NT5DC3: variants seen among roughly 807,000 people sequenced by gnomAD.
The protein encoded by NT5DC3 is 5'-nucleotidase domain containing 3, also known as 5'-nucleotidase domain-containing protein 3.
In NT5DC3, 42 loss-of-function variants were observed where a neutral mutation model predicts 67.8. The observed-to-expected ratio is 0.62, with a 90% CI of 0.48 to 0.80. The LOEUF is 0.80. Ranked by LOEUF, NT5DC3 falls within the 30% of genes least tolerant of loss-of-function variation. NT5DC3 has a pLI of 0.00. For missense variants in NT5DC3, 570 were observed against 696.4 expected (o/e 0.82, Z 2.04); for synonymous variants, 237 against 255.6 (o/e 0.93, Z 0.69).
chr12:103,792,616 C>T (rs1327411098), intron 9 of NT5DC3, among the ~76,000 whole-genome samples: 10 of 152,196 alleles, frequency 6.6e-5, no homozygotes, highest in African/African-American at 2.4e-4. Context: ...ACTAACAGCA[C>T]ACTCTGTCCC....
chr12:103,749,248 G>A, the NT5DC3 span: 1 of 1,330,646 alleles, frequency 7.5e-7, no homozygotes, highest in South Asian at 1.7e-5. Flanking sequence ...CTTATCTCCT[G>A]GACTCTTCCT....
intron 2 of NT5DC3, among the ~76,000 whole-genome samples, chr12:103,808,611 T>C (rs1886901105): frequency 6.6e-6 from 1 of 152,250 alleles, no homozygotes; most frequent in Non-Finnish European, 1.5e-5. Flanking sequence ...CTACCTGCCA[T>C]GTGTGCCAAG....
intron 5 of NT5DC3, among the ~76,000 whole-genome samples, chr12:103,797,823 T>C (rs1398501464): frequency 6.6e-6 from 1 of 152,224 alleles, no homozygotes; most frequent in Non-Finnish European, 1.5e-5. Flanking sequence ...TGGGGTTACA[T>C]TCTGATAAAC....
chr12:103,760,619 A>G, the NT5DC3 span, among the ~76,000 whole-genome samples: 2 of 152,114 alleles, frequency 1.3e-5, no homozygotes, highest in Admixed American at 6.5e-5. Flanking sequence ...GATGATGGTG[A>G]TGATACTGAT....
In NT5DC3 at chr12:103,777,346, T is replaced by C. The variant is rs1345930631; in HGVS notation, c.*483A>G. The C allele has an allele frequency of 1.3e-5, 2 of 159,322 alleles. No individual in the cohort carries two copies. The highest frequency in any genetic ancestry group is 3.7e-4 in the East Asian group (2 of 5,370). 9.9% of individuals were successfully genotyped at this position (159,322 alleles called of 1,614,324 possible). The stretch of plus-strand genomic sequence containing the variant: ...CTGGCCATCACCTGGGGAACCTCTC[T>C]GCCACTCACAGCAGCGTTTTACCAT... On this transcript the variant is annotated 3_prime_UTR_variant, in exon 14 of 14. Transcript: ENST00000392876.
At chr12:103,746,638 A>T in the NT5DC3 span, 1 of 1,614,068 alleles carries the variant, frequency 6.2e-7, no homozygotes, top group Non-Finnish European at 8.5e-7. Context: ...TGCTCATGCC[A>T]CCTGTAAGGA....
chr12:103,829,625 T>C (rs769938501), intron 1 of NT5DC3, among the ~76,000 whole-genome samples: 1 of 152,242 alleles, frequency 6.6e-6, no homozygotes, highest in Non-Finnish European at 1.5e-5. Context: ...TATTAATATA[T>C]TTGGAAATAT....
intron 2 of NT5DC3, among the ~76,000 whole-genome samples, chr12:103,808,048 CTA>C (rs1456095132): frequency 6.6e-6 from 1 of 152,220 alleles, no homozygotes; most frequent in Non-Finnish European, 1.5e-5. Flanking sequence ...ATTCCTCACA[CTA>C]TGCAAAATTG....
intron 2 of NT5DC3, among the ~76,000 whole-genome samples, chr12:103,808,194 G>A (rs1312886746): frequency 1.3e-5 from 2 of 152,110 alleles, no homozygotes; most frequent in Non-Finnish European, 2.9e-5. Context: ...TACACGGCAG[G>A]CCCTACCATC....
At chr12:103,746,810 C>G in the NT5DC3 span, 1 of 1,077,488 alleles carries the variant, frequency 9.3e-7, no homozygotes, top group Non-Finnish European at 1.4e-6. Flanking sequence ...CTGTCTGGGC[C>G]ACTTCAGCAG....
chr12:103,749,841 C>CCAAAAAAAAA, the NT5DC3 span, among the ~76,000 whole-genome samples: 1 of 51,152 alleles, frequency 2.0e-5, no homozygotes, highest in East Asian at 6.3e-4. Context: ...CTCTGTCTCA[C>CCAAAAAAAAA]AAAAAAAAAA....
intron 13 of NT5DC3, 134 bp downstream of exon 13, chr12:103,780,166 G>A: frequency 1.3e-6 from 1 of 756,780 alleles, no homozygotes; most frequent in Middle Eastern, 3.3e-4. Flanking sequence ...GATCCTGGGG[G>A]AGGCAGACAT....
At chr12:103,807,419 G>A (rs1399487769) in intron 2 of NT5DC3, among the ~76,000 whole-genome samples, 1 of 152,204 alleles carries the variant, frequency 6.6e-6, no homozygotes, top group Non-Finnish European at 1.5e-5. Context: ...TGATGTGGCA[G>A]GCCCCTGGAC....
At position 103,785,461 on chromosome 12, in the gene NT5DC3, C is replaced by G; in HGVS notation, c.1203G>C (p.Lys401Asn). 1 of 1,614,084 alleles carries G rather than the reference C, an allele frequency of 6.2e-7. No homozygotes were observed. Among genetic ancestry groups the G allele is most frequent in the East Asian group, 2.2e-5 (1 of 44,890 alleles). ...IYSDLADLTL[K>N]HGWRTGAIIP... ...TGATTGCACCAGTCCTCCAGCCATGCTTTAGGGTCAAATCCTGATCACAAA... is the reference window on the plus strand; with the variant it reads ...TGATTGCACCAGTCCTCCAGCCATGGTTTAGGGTCAAATCCTGATCACAAA... The change falls in exon 12 of 14, where the codon AAG (lysine) becomes AAC (asparagine). Residue 401 changes from lysine (K) to asparagine (N), a missense_variant. Lys to Asn is a moderately conservative substitution (Grantham distance 94). Transcript: ENST00000392876.
intron 1 of NT5DC3, among the ~76,000 whole-genome samples, chr12:103,825,727 C>T (rs1471167216): frequency 6.6e-6 from 1 of 152,234 alleles, no homozygotes; most frequent in Non-Finnish European, 1.5e-5. Flanking sequence ...ATGAGCTTGA[C>T]TGTGCCACTG....
chr12:103,775,905 G>A lies in NT5DC3; in HGVS notation c.*1924C>T, dbSNP rs1885325332. 6.6e-6 allele frequency: 1 copy of A among 152,186 alleles called. No homozygotes were observed. Among genetic ancestry groups the A allele is most frequent in the Non-Finnish European group, 1.5e-5 (1 of 68,042 alleles). The allele number at this position is 152,186 out of a possible 1,614,324, so 9.4% of individuals were successfully genotyped here. Reference sequence around the variant, plus strand: ...ATGCCAGACTTGGATTTCATCAATAGATGGTTACATACATTTATCACAATA... The same window carrying A: ...ATGCCAGACTTGGATTTCATCAATAAATGGTTACATACATTTATCACAATA... On this transcript the variant is annotated 3_prime_UTR_variant, in exon 14 of 14. Coordinates refer to ENST00000392876, the MANE Select transcript of NT5DC3 (RefSeq NM_001031701.3).
At chr12:103,763,647 G>A in the NT5DC3 span, 1 of 1,541,834 alleles carries the variant, frequency 6.5e-7, no homozygotes, top group Non-Finnish European at 8.9e-7. Context: ...GTTCCCTTGG[G>A]GTACAGGGGA....
chr12:103,823,864 T>A (rs1593433067), intron 1 of NT5DC3, among the ~76,000 whole-genome samples: 1 of 152,214 alleles, frequency 6.6e-6, no homozygotes, highest in African/African-American at 2.4e-5. Flanking sequence ...AAACTTCACA[T>A]CCCTAACTGC....
the NT5DC3 span, chr12:103,763,438 A>C: frequency 1.3e-6 from 2 of 1,554,144 alleles, no homozygotes; most frequent in South Asian, 2.3e-5. Context: ...AACTTGGCTG[A>C]GACGCTCCTG....
Sources: allele counts gnomAD v4.1 joint callset (sites outside exome capture counted in the v4.1 genomes callset), GRCh38; gene constraint gnomAD v4.1.1; transcripts MANE v1.5; gene names NCBI Gene and HGNC (gene_info 2026-07-23, HGNC 2026-07-21).